TDRD12: variants seen among roughly 807,000 people sequenced by gnomAD.
The protein encoded by TDRD12 is tudor domain containing 12, also known as putative ATP-dependent RNA helicase TDRD12.
TDRD12 carries 158 observed loss-of-function variants against 133.5 expected under a neutral mutation model. The ratio of observed to expected loss-of-function variants is 1.18; its 90% CI spans 1.04 to 1.35. The LOEUF (loss-of-function observed/expected upper bound fraction) is 1.35, where lower values mean the gene tolerates loss of function less well. Ranked by LOEUF, TDRD12 falls within the 40% of genes most tolerant of loss-of-function variation. TDRD12 has a pLI of 0.00. For missense variants in TDRD12, 1,443 were observed against 1,321.3 expected (o/e 1.09, Z -1.43); for synonymous variants, 460 against 477.9 (o/e 0.96, Z 0.49).
In TDRD12 at chr19:32,800,198, AT is replaced by A. The variant is rs1568485649; in HGVS notation, c.1791del (p.Asn597LysfsTer25). 4.0e-6 allele frequency: 6 copies of A among 1,517,498 alleles called. No homozygotes were observed. Among genetic ancestry groups the A allele is most frequent in the Non-Finnish European group, 4.4e-6 (5 of 1,140,596 alleles). 94.0% of individuals were successfully genotyped at this position (1,517,498 alleles called of 1,614,324 possible). A position where few individuals can be genotyped will look rare whatever the true frequency, so the allele number is the denominator to read the frequency against. ...GCTATATTAGATAACTTTAAAAAAAATATTGAAGTTGAAGAAAGGGAATCTG... is the reference window on the plus strand; with the variant it reads ...GCTATATTAGATAACTTTAAAAAAAAATTGAAGTTGAAGAAAGGGAATCTG... On this transcript the variant is annotated frameshift_variant, in exon 17 of 28. Coordinates refer to ENST00000444215, the Ensembl canonical transcript of TDRD12. LOFTEE classifies it high-confidence loss of function.
intron 27 of TDRD12, among the ~76,000 whole-genome samples, chr19:32,820,422 A>G (rs1351150913): frequency 6.6e-6 from 1 of 152,188 alleles, no homozygotes; most frequent in African/African-American, 2.4e-5. Flanking sequence ...CTTTTAAAAT[A>G]CTGAACCACA....
intron 15 of TDRD12, 40 bp from the exon 16 acceptor site, chr19:32,798,268 G>A: frequency 6.6e-7 from 1 of 1,513,968 alleles, no homozygotes; most frequent in Non-Finnish European, 8.9e-7. Context: ...AGAAAAACCT[G>A]TGGAAAATTG....
intron 3 of TDRD12, among the ~76,000 whole-genome samples, chr19:32,739,470 GTT>G (rs1969330036): frequency 7.1e-6 from 1 of 139,984 alleles, no homozygotes; most frequent in African/African-American, 2.7e-5. Flanking sequence ...ATCTCCTGGG[GTT>G]CTTCCTGCAT....
chr19:32,733,310 A>G (rs1476249129), intron 2 of TDRD12, among the ~76,000 whole-genome samples: 1 of 152,080 alleles, frequency 6.6e-6, no homozygotes, highest in Non-Finnish European at 1.5e-5. Context: ...CTCTACTAAA[A>G]ATACAAAAAA....
chr19:32,800,299 G>A (rs1971349322), exon 17 of TDRD12: 1 of 1,532,472 alleles, frequency 6.5e-7, no homozygotes, highest in South Asian at 1.2e-5. Flanking sequence ...GTTCATGAAT[G>A]ATCCCTACAT....
chr19:32,749,965 C>A, intron 6 of TDRD12, 96 bp downstream of exon 6: 1 of 900,826 alleles, frequency 1.1e-6, no homozygotes, highest in Non-Finnish European at 1.7e-6. Context: ...GTAGTTCGTA[C>A]AGCATAGAAA....
At position 32,731,345 on chromosome 19, in the gene TDRD12, C is replaced by T. The variant is rs7256262; in HGVS notation, c.25-380C>T. Among the ~76,000 whole-genome samples the T allele has an allele frequency of 5.7e-3, 867 of 151,984 alleles. 9 individuals carry two copies. Among genetic ancestry groups the T allele is most frequent in the African/African-American group, 0.019 (792 of 41,418 alleles). On this transcript the variant is annotated intron_variant, in intron 1 of 27. Transcript: ENST00000444215. Reference sequence around the variant, plus strand: ...CGAAGTGGGAAAATTGCTCGAGCCCCGGAGTTTGAGACTAGCCTGGGCAAA... The same window carrying T: ...CGAAGTGGGAAAATTGCTCGAGCCCTGGAGTTTGAGACTAGCCTGGGCAAA...
exon 9 of TDRD12, chr19:32,826,561 A>G (rs1254960628): frequency 1.6e-6 from 2 of 1,240,912 alleles, no homozygotes; most frequent in Admixed American, 4.0e-5. Flanking sequence ...CTGGCCAAAG[A>G]GAGAAGGGAG....
intron 4 of TDRD12, among the ~76,000 whole-genome samples, chr19:32,744,691 G>A (rs1258022698): frequency 6.6e-6 from 1 of 151,932 alleles, no homozygotes; most frequent in Non-Finnish European, 1.5e-5. Context: ...GGGTGCGGGC[G>A]CCATGTCTGC....
chr19:32,753,203 T>A (rs1459703566), intron 6 of TDRD12, among the ~76,000 whole-genome samples: 2 of 152,186 alleles, frequency 1.3e-5, no homozygotes, highest in African/African-American at 2.4e-5. Context: ...GTGTCATGAT[T>A]GTAGGTCCTC....
intron 2 of TDRD12, among the ~76,000 whole-genome samples, chr19:32,733,896 T>A (rs1005443442): frequency 8.3e-5 from 10 of 120,112 alleles, no homozygotes; most frequent in Admixed American, 2.5e-4. Context: ...AATTAATTAA[T>A]TTTTTTTTTT....
chr19:32,788,814 G>A (rs1970984765), intron 11 of TDRD12, among the ~76,000 whole-genome samples: 1 of 152,200 alleles, frequency 6.6e-6, no homozygotes, highest in Non-Finnish European at 1.5e-5. Context: ...GCTGCTGTGA[G>A]TACAGGGACC....
At chr19:32,825,496 C>T (rs140749188), downstream of TDRD12, among the ~76,000 whole-genome samples, 171 of 152,324 alleles carry the variant, frequency 1.1e-3, 1 homozygote, top group East Asian at 0.017. This position sits in a 1 kb window ranked among gnomAD's most constrained non-coding sequence, Gnocchi z 4.1. Flanking sequence ...GTATCCAAGG[C>T]CAGCCACTGC....
chr19:32,767,829 C>A (rs1242530918), intron 8 of TDRD12, among the ~76,000 whole-genome samples: 1 of 152,082 alleles, frequency 6.6e-6, no homozygotes, highest in East Asian at 1.9e-4. Flanking sequence ...TGCCAGGCTC[C>A]CACTAAAAAT....
chr19:32,806,208 G>C (rs1215095572), intron 21 of TDRD12, among the ~76,000 whole-genome samples: 1 of 152,154 alleles, frequency 6.6e-6, no homozygotes, highest in Non-Finnish European at 1.5e-5. Context: ...AGCTGAGGCT[G>C]GGGCATGGGT....
intron 11 of TDRD12, among the ~76,000 whole-genome samples, chr19:32,787,274 C>A (rs549967211): frequency 6.6e-6 from 1 of 152,294 alleles, no homozygotes; most frequent in Non-Finnish European, 1.5e-5. Flanking sequence ...ATATTGCTGC[C>A]TGATCCTTCC....
chr19:32,729,992 G>A (rs898541528), intron 1 of TDRD12, among the ~76,000 whole-genome samples: 9 of 151,718 alleles, frequency 5.9e-5, no homozygotes, highest in Middle Eastern at 3.4e-3. Flanking sequence ...GAGTTTCATC[G>A]TGTTAGCTAG....
At position 32,826,315 on chromosome 19, in the gene TDRD12, A is replaced by AGGACTACAAGTGT; in HGVS notation, c.854_866dup (p.Gln290GlyfsTer10). On this transcript the variant is annotated frameshift_variant, in exon 8 of 10. Coordinates refer to the TDRD12 transcript ENST00000637289. LOFTEE classifies it high-confidence loss of function. ...TTAAAGATAAGAATAAGGAATGTAA[A>AGGACTACAAGTGT]GGACTACAAGTGTCAGTATTTAAGG... is the stretch of plus-strand genomic sequence containing the variant. 2.9e-6 allele frequency: 4 copies of AGGACTACAAGTGT among 1,402,388 alleles called. No homozygotes were observed. Among genetic ancestry groups the AGGACTACAAGTGT allele is most frequent in the Non-Finnish European group, 3.7e-6 (4 of 1,079,364 alleles). 86.9% of individuals were successfully genotyped at this position (1,402,388 alleles called of 1,614,324 possible).
In TDRD12 at chr19:32,731,864, T is replaced by A; in HGVS notation, c.164T>A (p.Leu55Ter). The A allele has an allele frequency of 6.5e-7, 1 of 1,547,114 alleles. No individual in the cohort carries two copies. The highest frequency in any genetic ancestry group is 8.7e-7 in the Non-Finnish European group (1 of 1,145,868). Residue 55 changes from leucine to a stop codon, truncating the protein, a stop_gained, in exon 2 of 28, where the codon TTA (leucine) becomes TAA (stop). Coordinates refer to ENST00000444215, the Ensembl canonical transcript of TDRD12. LOFTEE classifies it high-confidence loss of function. ...TGTCAAGATATAGAAATAAAACCCTTAACATTGGAAGAAGGACAGGTATGT... is the reference window on the plus strand; with the variant it reads ...TGTCAAGATATAGAAATAAAACCCTAAACATTGGAAGAAGGACAGGTATGT...
Sources: allele counts gnomAD v4.1 joint callset (sites outside exome capture counted in the v4.1 genomes callset), GRCh38; gene constraint gnomAD v4.1.1; non-coding constraint Gnocchi (gnomAD v3.1); transcripts MANE v1.5; gene names NCBI Gene and HGNC (gene_info 2026-07-23, HGNC 2026-07-21).